The following PLAGL2 variants were observed in gnomAD, a reference collection of about 807,000 sequenced individuals.
PLAGL2 encodes the protein PLAG1 like zinc finger 2.
PLAGL2 carries 7 observed loss-of-function variants against 29.0 expected under a neutral mutation model. That is an observed-to-expected ratio of 0.24 (90% CI 0.14 to 0.45). The LOEUF (loss-of-function observed/expected upper bound fraction) is 0.45. Ranked by LOEUF, PLAGL2 falls within the 20% of genes least tolerant of loss-of-function variation. The pLI is 0.99. For missense variants in PLAGL2, 454 were observed against 648.2 expected, an observed-to-expected ratio of 0.70 and a Z score of 3.25; for synonymous variants, 234 against 266.0, an observed-to-expected ratio of 0.88 and a Z score of 1.17.
At chr20:32,199,499 C>A (rs1198706053) in intron 2 of PLAGL2, among the ~76,000 whole-genome samples, 1 of 152,192 alleles carries the variant, frequency 6.6e-6, no homozygotes, top group African/African-American at 2.4e-5. Flanking sequence ...TGACCCAGGA[C>A]CTTTCCTGCA....
intron 2 of PLAGL2, among the ~76,000 whole-genome samples, chr20:32,200,541 T>C (rs967941547): frequency 6.6e-6 from 1 of 152,124 alleles, no homozygotes; most frequent in Non-Finnish European, 1.5e-5. Context: ...ATCTCATTTC[T>C]AAAGGGCAAG....
At position 32,197,334 on chromosome 20, in the gene PLAGL2, A is replaced by C; in HGVS notation, c.609T>G (p.Arg203=). The change falls in exon 3 of 3, where the codon CGT becomes CGG. Residue 203 remains arginine (R), a synonymous_variant. Transcript: ENST00000246229. This position sits in a 1 kb window ranked among gnomAD's most constrained non-coding sequence, Gnocchi z 6.6. ...CCACTAGGTGCCGCCGTACATCCTT[A>C]CGAGTATAGAACCGCCGGTCGCAGT... ...CDHCDRRFYT[R]KDVRRHLVVH... 6.2e-7 allele frequency: 1 copy of C among 1,600,530 alleles called. No homozygotes were observed. The highest frequency in any genetic ancestry group is 1.3e-5 in the African/African-American group (1 of 74,828).
intron 2 of PLAGL2, among the ~76,000 whole-genome samples, chr20:32,200,533 C>G (rs1462305806): frequency 6.6e-6 from 1 of 151,786 alleles, no homozygotes; most frequent in Non-Finnish European, 1.5e-5. Context: ...GCTGATCTAT[C>G]TCATTTCTAA....
chr20:32,202,532 T>C (rs1274460699), intron 1 of PLAGL2, among the ~76,000 whole-genome samples: 1 of 152,286 alleles, frequency 6.6e-6, no homozygotes, highest in Non-Finnish European at 1.5e-5. Context: ...AGCAGAAGGC[T>C]GGGCATCCAT....
chr20:32,203,584 G>C (rs1483490422), intron 1 of PLAGL2, among the ~76,000 whole-genome samples: 1 of 152,248 alleles, frequency 6.6e-6, no homozygotes, highest in Admixed American at 6.5e-5. Context: ...AGAGAGAAAA[G>C]GGGGTGTCTG....
At chr20:32,204,218 A>C (rs1448311555) in intron 1 of PLAGL2, among the ~76,000 whole-genome samples, 2 of 152,112 alleles carry the variant, frequency 1.3e-5, no homozygotes, top group Admixed American at 1.3e-4. Context: ...CAGCCTCTGG[A>C]AAGTTGGGAA....
Position 32,194,485 on chromosome 20 carries a change from T to C in PLAGL2, c.*1967A>G, listed in dbSNP as rs1186980511. The C allele has an allele frequency of 6.6e-6, 1 of 152,644 alleles. No homozygotes were observed. Among genetic ancestry groups the C allele is most frequent in the Non-Finnish European group, 1.5e-5 (1 of 68,050 alleles). 9.5% of individuals were successfully genotyped at this position (152,644 alleles called of 1,614,324 possible). On this transcript the variant is annotated 3_prime_UTR_variant, in exon 3 of 3. Transcript: ENST00000246229. ...CCAGACATTTTAATATCTGGTGTTT[T>C]TAAAAAGGTATCCCAAGCTACCCTG... is the stretch of plus-strand genomic sequence containing the variant.
At chr20:32,206,420 CTCTT>C (rs1043346666) in intron 1 of PLAGL2, among the ~76,000 whole-genome samples, 1 of 151,320 alleles carries the variant, frequency 6.6e-6, no homozygotes, top group Non-Finnish European at 1.5e-5. Flanking sequence ...TCTTTGGAGT[CTCTT>C]TGATTCACTA....
rs1315975026 is a variant in PLAGL2 at position 32,197,232 on chromosome 20, A to G, written c.711T>C (p.His237=). 1.9e-6 allele frequency: 3 copies of G among 1,614,134 alleles called. No homozygotes were observed. Among genetic ancestry groups the G allele is most frequent in the South Asian group, 1.1e-5 (1 of 91,066 alleles). Residue 237 remains histidine (H), a synonymous_variant, in exon 3 of 3, where the codon CAT becomes CAC. Coordinates refer to ENST00000246229, the MANE Select transcript of PLAGL2 (RefSeq NM_002657.3). The surrounding 1 kb of genome is among the most constrained non-coding windows in gnomAD (Gnocchi z 6.6). ...RFGRKDHLTR[H]VKKSHSQELL... Reference sequence around the variant, plus strand: ...GCTCCTGCGAGTGGCTCTTCTTGACATGACGCGTCAGGTGGTCCTTACGGC... The same window carrying G: ...GCTCCTGCGAGTGGCTCTTCTTGACGTGACGCGTCAGGTGGTCCTTACGGC...
chr20:32,204,391 T>C (rs957823700), intron 1 of PLAGL2, among the ~76,000 whole-genome samples: 1 of 152,216 alleles, frequency 6.6e-6, no homozygotes, highest in African/African-American at 2.4e-5. Context: ...CACAATAGTT[T>C]AGTAGGCTGC....
At chr20:32,207,439 G>A (rs2047295227) in intron 1 of PLAGL2, among the ~76,000 whole-genome samples, 1 of 152,198 alleles carries the variant, frequency 6.6e-6, no homozygotes, top group Non-Finnish European at 1.5e-5. Context: ...CAGGTATGGG[G>A]TCCAGGGAGA....
intron 1 of PLAGL2, among the ~76,000 whole-genome samples, chr20:32,204,076 A>T (rs769607222): frequency 2.6e-5 from 4 of 152,198 alleles, no homozygotes; most frequent in Non-Finnish European, 4.4e-5. Flanking sequence ...ACCTGTTTGT[A>T]ATACCAGCAA....
At position 32,201,835 on chromosome 20, in the gene PLAGL2, T is replaced by A. The variant is rs572035515; in HGVS notation, c.260+84A>T. On this transcript the variant is annotated intron_variant, in intron 2 of 2. Coordinates refer to ENST00000246229, the MANE Select transcript of PLAGL2 (RefSeq NM_002657.3). ...TTAACCTCCACTCTTCTGCCACAGA[T>A]TAAAAACCCACACTAGGCAGAGTCT... 1.7e-4 allele frequency: 205 copies of A among 1,218,796 alleles called. No homozygotes were observed. In the African/African-American group the frequency reaches 2.9e-3, roughly 17 times the overall value. 75.5% of individuals were successfully genotyped at this position (1,218,796 alleles called of 1,614,324 possible). A position where few individuals can be genotyped will look rare whatever the true frequency, so the allele number is the denominator to read the frequency against.
At chr20:32,201,821 T>C (rs2047260964) in intron 2 of PLAGL2, 98 bp downstream of exon 2, 5 of 998,826 alleles carry the variant, frequency 5.0e-6, no homozygotes, top group Non-Finnish European at 7.4e-6. Flanking sequence ...TAACCTCCAC[T>C]CTTCTGCCAC....
At chr20:32,206,994 G>C (rs1470384688) in intron 1 of PLAGL2, among the ~76,000 whole-genome samples, 1 of 152,152 alleles carries the variant, frequency 6.6e-6, no homozygotes, top group Non-Finnish European at 1.5e-5. Flanking sequence ...GGAAGGCTGG[G>C]GGGATGGGGA....
intron 1 of PLAGL2, among the ~76,000 whole-genome samples, chr20:32,204,680 T>C (rs74557744): frequency 0.017 from 2,590 of 152,306 alleles, 70 homozygotes; most frequent in African/African-American, 0.059. Flanking sequence ...CTAGTCTCTC[T>C]CTGCCCTTTG....
Position 32,196,985 on chromosome 20 carries a change from GC to G in PLAGL2, c.957del (p.Met321TrpfsTer3). ...GVPHSLVHNTLPMGMSYPLES... is the reference protein window; with the variant it reads ...GVPHSLVHNTXPMGMSYPLES... ...TCCAGAGGGTAGCTCATACCCATGG[GC>G]AGCGTGTTGTGCACCAGGGAGTGTG... On this transcript the variant is annotated frameshift_variant, in exon 3 of 3. Coordinates refer to ENST00000246229, the MANE Select transcript of PLAGL2 (RefSeq NM_002657.3). LOFTEE classifies it high-confidence loss of function. The G allele has an allele frequency of 6.2e-7, 1 of 1,614,224 alleles. No individual in the cohort carries two copies. Among genetic ancestry groups the G allele is most frequent in the Non-Finnish European group, 8.5e-7 (1 of 1,180,020 alleles).
chr20:32,202,311 T>G lies in PLAGL2; in HGVS notation c.-114-19A>C. 1 of 861,168 alleles carries G rather than the reference T, an allele frequency of 1.2e-6. No individual in the cohort carries two copies. The allele number at this position is 861,168 out of a possible 1,614,324, so 53.3% of individuals were successfully genotyped here. ...TCTTCACCTGAAACATCAGAACACC[T>G]GGTGTTAGGGAGCCCAATACCATGA... On this transcript the variant is annotated intron_variant, in intron 1 of 2. Coordinates refer to ENST00000246229, the MANE Select transcript of PLAGL2 (RefSeq NM_002657.3).
chr20:32,202,223 C>A lies in PLAGL2; in HGVS notation c.-45G>T. On this transcript the variant is annotated 5_prime_UTR_variant, in exon 2 of 3. The change abolishes an upstream ATG in the 5' untranslated region. Transcript: ENST00000246229. ...GGCCATGTTATTGAGAAAGCCTCCC[C>A]ATCCGCTCCACACAGGCTCTCAGCT... The A allele has an allele frequency of 6.2e-7, 1 of 1,600,386 alleles. No individual in the cohort carries two copies. The highest frequency in any genetic ancestry group is 1.1e-5 in the South Asian group (1 of 89,940).
Sources: gnomAD v4.1 joint callset for allele counts (sites outside exome capture counted in the v4.1 genomes callset) on GRCh38, gnomAD v4.1.1 for gene constraint, Gnocchi (gnomAD v3.1) non-coding constraint, MANE v1.5 for transcripts, NCBI Gene and HGNC (gene_info 2026-07-23, HGNC 2026-07-21) for gene names.